BMPR1A: variants seen among roughly 807,000 people sequenced by gnomAD.
BMPR1A encodes bone morphogenetic protein receptor type 1A, also known as bone morphogenetic protein receptor type-1A.
A neutral mutation model predicts 66.0 loss-of-function variants in BMPR1A; 7 were observed. That is an observed-to-expected ratio of 0.11 (90% CI 0.06 to 0.20). The LOEUF is 0.20. Among genes scored for constraint, BMPR1A ranks in the 10% least tolerant of loss-of-function variants. BMPR1A has a pLI of 1.00. For missense variants in BMPR1A, 408 were observed against 669.1 expected, an observed-to-expected ratio of 0.61 and a Z score of 4.31; for synonymous variants, 200 against 229.7, an observed-to-expected ratio of 0.87 and a Z score of 1.17.
chr10:86,795,608 G>A (rs1325123777), intron 1 of BMPR1A, among the ~76,000 whole-genome samples: 1 of 152,148 alleles, frequency 6.6e-6, no homozygotes, highest in Non-Finnish European at 1.5e-5. Flanking sequence ...AGTGAGGCTA[G>A]AGTATGCATT....
At chr10:86,796,101 G>A (rs1158032534) in intron 1 of BMPR1A, among the ~76,000 whole-genome samples, 2 of 151,982 alleles carry the variant, frequency 1.3e-5, no homozygotes, top group African/African-American at 2.4e-5. Flanking sequence ...ACATAAAAAC[G>A]TCATAAAATC....
At chr10:86,794,606 T>C (rs1841678035) in intron 1 of BMPR1A, among the ~76,000 whole-genome samples, 1 of 152,140 alleles carries the variant, frequency 6.6e-6, no homozygotes, top group Non-Finnish European at 1.5e-5. Flanking sequence ...TTAGAATGGC[T>C]TTTAAGATTT....
chr10:86,765,600 A>G (rs1423618016), intron 1 of BMPR1A, among the ~76,000 whole-genome samples: 5 of 151,504 alleles, frequency 3.3e-5, no homozygotes, highest in Admixed American at 3.3e-4. Context: ...ATCTTTTGGT[A>G]TATTAGATTT....
intron 5 of BMPR1A, among the ~76,000 whole-genome samples, chr10:86,896,381 T>G (rs1843225156): frequency 6.6e-6 from 1 of 152,198 alleles, no homozygotes; most frequent in Admixed American, 6.5e-5. Context: ...TTTGATCAAT[T>G]TTATGCTAAT....
At chr10:86,811,952 C>T (rs1274117022) in intron 1 of BMPR1A, among the ~76,000 whole-genome samples, 3 of 151,654 alleles carry the variant, frequency 2.0e-5, no homozygotes, top group African/African-American at 2.4e-5. Flanking sequence ...GTGGTGGTGT[C>T]AACCTGTAGT....
intron 1 of BMPR1A, among the ~76,000 whole-genome samples, chr10:86,801,417 G>A (rs1027537713): frequency 4.6e-5 from 7 of 152,118 alleles, no homozygotes; most frequent in East Asian, 3.9e-4. Context: ...CTGGGATTAC[G>A]GGTGTGAGCC....
At position 86,912,292 on chromosome 10, in the gene BMPR1A, C is replaced by A. The variant is rs771910503; in HGVS notation, c.583C>A (p.Gln195Lys). 5 of 1,613,806 alleles carry A rather than the reference C, an allele frequency of 3.1e-6. No homozygotes were observed. In the African/African-American group the frequency reaches 6.7e-5, roughly 22 times the overall value. ...ACGTCGTTACAATCGTGATTTGGAA[C>A]AGGATGAAGCATTTATTCCAGTTGG... ...SRRRYNRDLE[Q>K]DEAFIPVGES... The change falls in exon 8 of 13, where the codon CAG becomes AAG. Residue 195 changes from glutamine to lysine, a missense_variant. This residue lies in a region of BMPR1A where 174 missense variants were observed against 265.1 expected (regional missense o/e 0.66). Transcript: ENST00000372037.
chr10:86,913,102 T>G (rs2133551156), intron 8 of BMPR1A, among the ~76,000 whole-genome samples: 1 of 152,042 alleles, frequency 6.6e-6, no homozygotes, highest in East Asian at 1.9e-4. Flanking sequence ...ACTGATCTCT[T>G]CTTATTTTAT....
At chr10:86,778,114 T>C (rs1841381791) in intron 1 of BMPR1A, among the ~76,000 whole-genome samples, 1 of 152,030 alleles carries the variant, frequency 6.6e-6, no homozygotes, top group South Asian at 2.1e-4. Flanking sequence ...TTGATACATA[T>C]AATGCATGAC....
chr10:86,796,574 G>GT (rs1211445436), intron 1 of BMPR1A, among the ~76,000 whole-genome samples: 3 of 149,578 alleles, frequency 2.0e-5, no homozygotes, highest in Admixed American at 6.7e-5. Flanking sequence ...TTCTTTCCTT[G>GT]TTTCTTCTTT....
At chr10:86,804,021 C>T (rs962922262) in intron 1 of BMPR1A, among the ~76,000 whole-genome samples, 1 of 152,114 alleles carries the variant, frequency 6.6e-6, no homozygotes, top group African/African-American at 2.4e-5. Flanking sequence ...TATTTTTCCA[C>T]TATATTTTCT....
Position 86,912,156 on chromosome 10 carries a change from A to G in BMPR1A, c.531-84A>G. The G allele has an allele frequency of 2.1e-6, 3 of 1,418,770 alleles. No individual in the cohort carries two copies. The South Asian group carries it at 3.6e-5, about 17-fold the overall frequency. The allele number at this position is 1,418,770 out of a possible 1,614,324, so 87.9% of individuals were successfully genotyped here. A position where few individuals can be genotyped will look rare whatever the true frequency, so the allele number is the denominator to read the frequency against. On this transcript the variant is annotated intron_variant, in intron 7 of 12. Transcript: ENST00000372037. ...ATAGGATTCTTTCTGAGGGAAGGAT[A>G]ATGGTATAGAGAACCTCAAGGTTTT...
chr10:86,775,472 C>T (rs1310134426), intron 1 of BMPR1A, among the ~76,000 whole-genome samples: 1 of 152,048 alleles, frequency 6.6e-6, no homozygotes, highest in African/African-American at 2.4e-5. Context: ...CATGACAGCC[C>T]CAGAGAGCAA....
chr10:86,757,423 G>C (rs1847893603), intron 1 of BMPR1A, among the ~76,000 whole-genome samples: 1 of 152,168 alleles, frequency 6.6e-6, no homozygotes, highest in South Asian at 2.1e-4. Context: ...TTCACCTGTT[G>C]TCCTGCGCGG....
At chr10:86,762,931 C>T (rs548267732) in intron 1 of BMPR1A, among the ~76,000 whole-genome samples, 25 of 151,712 alleles carry the variant, frequency 1.6e-4, no homozygotes, top group Admixed American at 9.2e-4. Context: ...GAGTCTCACT[C>T]TGTCGCCCAG....
intron 1 of BMPR1A, among the ~76,000 whole-genome samples, chr10:86,760,017 C>T (rs1288269760): frequency 6.9e-6 from 1 of 145,494 alleles, no homozygotes; most frequent in Non-Finnish European, 1.5e-5. Flanking sequence ...TCTCATCCCA[C>T]CTGGACTAAT....
chr10:86,906,906 T>C (rs79626587), intron 7 of BMPR1A, among the ~76,000 whole-genome samples: 2,496 of 152,298 alleles, frequency 0.016, 59 homozygotes, highest in African/African-American at 0.056. Context: ...AGGTAACTTC[T>C]ATTTACCTAT....
chr10:86,769,145 C>T (rs887045445), intron 1 of BMPR1A, among the ~76,000 whole-genome samples: 18 of 152,172 alleles, frequency 1.2e-4, no homozygotes, highest in Admixed American at 3.9e-4. Flanking sequence ...TGTGTATCAT[C>T]AGTACTGGCA....
intron 2 of BMPR1A, among the ~76,000 whole-genome samples, chr10:86,850,230 A>G (rs1370784845): frequency 6.6e-6 from 1 of 151,998 alleles, no homozygotes. Context: ...CTGAGGCAGG[A>G]GAATGGCTTG....
Sources: allele counts gnomAD v4.1 joint callset (sites outside exome capture counted in the v4.1 genomes callset), GRCh38; gene constraint gnomAD v4.1.1; regional missense constraint gnomAD v4.1.1; transcripts MANE v1.5; gene names NCBI Gene and HGNC (gene_info 2026-07-23, HGNC 2026-07-21).